Variants in PAK6 observed in about 807,000 individuals in gnomAD.
The protein encoded by PAK6 is p21 (RAC1) activated kinase 6.
Under a neutral mutation model 60.8 loss-of-function variants are expected in PAK6, and 33 were observed. That is an observed-to-expected ratio of 0.54 (90% CI 0.41 to 0.73). The LOEUF is 0.73. Ranked by LOEUF, PAK6 falls within the 30% of genes least tolerant of loss-of-function variation. PAK6 has a pLI of 0.00. For missense variants in PAK6, 845 were observed against 904.1 expected (o/e 0.93, Z 0.84); for synonymous variants, 404 against 378.5 (o/e 1.07, Z -0.78).
intron 1 of PAK6, 37 bp from the exon 2 acceptor site, chr15:40,240,562 C>CT (rs10624794): frequency 0.24 from 74,462 of 311,676 alleles, 8,381 homozygotes; most frequent in African/African-American, 0.38. Context: ...TTTTCTTTTC[C>CT]TTTTTTTTTT....
intron 10 of PAK6, among the ~76,000 whole-genome samples, chr15:40,275,449 C>T (rs754980963): frequency 3.3e-5 from 5 of 151,796 alleles, no homozygotes; most frequent in Admixed American, 1.3e-4. Flanking sequence ...CCATGCTCAA[C>T]TAATTTTTGT....
At chr15:40,262,332 C>T (rs759827701) in intron 3 of PAK6, among the ~76,000 whole-genome samples, 31 of 152,074 alleles carry the variant, frequency 2.0e-4, no homozygotes, top group African/African-American at 5.6e-4. Flanking sequence ...GGTGAAATCC[C>T]GTCTCTACTA....
At chr15:40,256,715 A>G (rs766722357) in intron 3 of PAK6, 2 of 152,230 alleles carry the variant, frequency 1.3e-5, no homozygotes, top group Non-Finnish European at 2.9e-5. Flanking sequence ...CTCGGCTTGA[A>G]TGAGTCACTT....
At chr15:40,272,801 AGGGGCAGT>A (rs2039346941) in intron 6 of PAK6, 57 bp from the exon 7 acceptor site, 2 of 1,592,174 alleles carry the variant, frequency 1.3e-6, no homozygotes, top group Admixed American at 3.4e-5. Context: ...ATCTGTGAGC[AGGGGCAGT>A]GGGTGGCCAT....
intron 5 of PAK6, among the ~76,000 whole-genome samples, chr15:40,268,245 C>T (rs1181705925): frequency 2.6e-5 from 4 of 152,210 alleles, no homozygotes; most frequent in South Asian, 2.1e-4. Flanking sequence ...TGAGACCCCC[C>T]GAGCTGCTCC....
chr15:40,266,317 C>A (rs753117422), exon 5 of PAK6: 1 of 1,611,976 alleles, frequency 6.2e-7, no homozygotes, highest in South Asian at 1.1e-5. Context: ...TCTGAGGAGG[C>A]CCGGCCACAG....
chr15:40,272,985 C>T (rs756018222), exon 7 of PAK6: 31 of 1,613,774 alleles, frequency 1.9e-5, no homozygotes, highest in East Asian at 2.2e-5. Flanking sequence ...TCACAGACAT[C>T]GTCTCCCAAG....
chr15:40,272,365 C>A, exon 6 of PAK6: 1 of 1,613,704 alleles, frequency 6.2e-7, no homozygotes, highest in Non-Finnish European at 8.5e-7. Context: ...GAAGTCCCTC[C>A]GCACAGCCCC....
At chr15:40,256,748 G>A (rs2038844808) in intron 3 of PAK6, 1 of 152,196 alleles carries the variant, frequency 6.6e-6, no homozygotes, top group African/African-American at 2.4e-5. Context: ...TCTGCATAAT[G>A]GAGACAGTAC....
intron 5 of PAK6, among the ~76,000 whole-genome samples, chr15:40,269,945 G>C (rs950903900): frequency 7.2e-5 from 11 of 152,250 alleles, no homozygotes; most frequent in Admixed American, 1.3e-4. Flanking sequence ...AAGGCCAGGA[G>C]GGGAATGATC....
chr15:40,274,034 A>G, intron 9 of PAK6, 108 bp from the exon 10 acceptor site: 1 of 1,336,470 alleles, frequency 7.5e-7, no homozygotes, highest in Admixed American at 1.7e-5. Context: ...CAGACCCACC[A>G]AGGAGAGCTG....
exon 11 of PAK6, chr15:40,276,359 G>A (rs1039275427): frequency 1.5e-4 from 72 of 473,492 alleles, no homozygotes; most frequent in Non-Finnish European, 2.1e-4. Flanking sequence ...TCTAAGAAAC[G>A]CAGAGGCCAG....
At chr15:40,272,450 G>A (rs761432480) in exon 6 of PAK6, 44 of 1,613,564 alleles carry the variant, frequency 2.7e-5, no homozygotes, top group Non-Finnish European at 3.4e-5. Flanking sequence ...ATCAGCACCA[G>A]CAACCTGTAC....
At chr15:40,263,343 G>A (rs2039033183) in intron 3 of PAK6, among the ~76,000 whole-genome samples, 1 of 152,134 alleles carries the variant, frequency 6.6e-6, no homozygotes, top group East Asian at 1.9e-4. Context: ...GAGCTGTTCT[G>A]AGCCTCTTCA....
chr15:40,252,336 G>T lies in PAK6; in HGVS notation c.-117-842G>T, dbSNP rs562091767. Reference sequence around the variant, plus strand: ...CGCGAGGCGGCCACTGGGCCGTGGAGCCGCAGGCAGGTCCCCGCGGCTGTG... The same window carrying T: ...CGCGAGGCGGCCACTGGGCCGTGGATCCGCAGGCAGGTCCCCGCGGCTGTG... On this transcript the variant is annotated intron_variant, in intron 2 of 10. Transcript: ENST00000560346. 12 of 1,283,196 alleles carry T rather than the reference G, an allele frequency of 9.4e-6. No homozygotes were observed. In the East Asian group the frequency reaches 5.7e-4, roughly 61 times the overall value. 79.5% of individuals were successfully genotyped at this position (1,283,196 alleles called of 1,614,324 possible).
At chr15:40,259,870 AAGAT>A (rs1566849731) in intron 3 of PAK6, 1 of 151,958 alleles carries the variant, frequency 6.6e-6, no homozygotes, top group African/African-American at 2.4e-5. Flanking sequence ...AAAGAGTAGA[AAGAT>A]AGAATAGAAG....
intron 3 of PAK6, 57 bp downstream of exon 3, chr15:40,253,346 G>A (rs916529846): frequency 2.2e-6 from 1 of 448,222 alleles, no homozygotes; most frequent in African/African-American, 2.0e-5. Flanking sequence ...TTGAAGAGCA[G>A]GCAGGGAGGG....
intron 9 of PAK6, 112 bp downstream of exon 9, chr15:40,273,788 C>A: frequency 7.8e-7 from 1 of 1,285,958 alleles, no homozygotes; most frequent in Non-Finnish European, 1.1e-6. Context: ...TTTTCAGAGT[C>A]CCACCTAGTC....
chr15:40,247,704 G>A (rs1023992634), intron 2 of PAK6, among the ~76,000 whole-genome samples: 3 of 152,168 alleles, frequency 2.0e-5, no homozygotes, highest in African/African-American at 7.2e-5. Flanking sequence ...GCCGGGCGGG[G>A]ACCCATGGAC....
Sources: allele counts gnomAD v4.1 joint callset (sites outside exome capture counted in the v4.1 genomes callset), GRCh38; gene constraint gnomAD v4.1.1; transcripts MANE v1.5; gene names NCBI Gene and HGNC (gene_info 2026-07-23, HGNC 2026-07-21).